The following TRPC4AP variants were observed in gnomAD, a reference collection of about 807,000 sequenced individuals.
TRPC4AP encodes short transient receptor potential channel 4-associated protein.
Under a neutral mutation model 99.0 loss-of-function variants are expected in TRPC4AP, and 45 were observed. The observed-to-expected ratio is 0.45, with a 90% CI of 0.36 to 0.58. The LOEUF is 0.58. TRPC4AP is among the 20% of genes least tolerant of loss of function. The pLI is 0.00. For missense variants in TRPC4AP, 879 were observed against 985.3 expected (o/e 0.89, Z 1.44); for synonymous variants, 408 against 385.8 (o/e 1.06, Z -0.67).
At chr20:35,010,166 A>G (rs2082601367) in intron 12 of TRPC4AP, 21 bp downstream of exon 12, 1 of 1,611,708 alleles carries the variant, frequency 6.2e-7, no homozygotes, top group African/African-American at 1.3e-5. Flanking sequence ...GCTGAGGGAA[A>G]AGCTGCACCC....
chr20:35,041,056 G>A (rs1487600717), intron 7 of TRPC4AP, among the ~76,000 whole-genome samples: 2 of 152,322 alleles, frequency 1.3e-5, no homozygotes, highest in East Asian at 3.9e-4. Context: ...CCTTCTACAA[G>A]CCAGGAAGAA....
intron 7 of TRPC4AP, 105 bp downstream of exon 7, chr20:35,044,400 G>GAAAAAAAAAAAAAAAAAAAAAGA (rs11483863): frequency 1.2e-6 from 1 of 828,400 alleles, no homozygotes; most frequent in Non-Finnish European, 1.7e-6. Flanking sequence ...CTCAAAAAAG[G>GAAAAAAAAAAAAAAAAAAAAAGA]AAAAAAAAAA....
intron 17 of TRPC4AP, 102 bp downstream of exon 17, chr20:35,004,356 G>T: frequency 1.1e-6 from 1 of 944,296 alleles, no homozygotes; most frequent in Non-Finnish European, 1.7e-6. Flanking sequence ...GGTCTCCAGA[G>T]ACGCACTTCT....
intron 5 of TRPC4AP, among the ~76,000 whole-genome samples, chr20:35,053,014 G>A (rs536652417): frequency 5.9e-5 from 9 of 151,992 alleles, no homozygotes; most frequent in African/African-American, 1.9e-4. Context: ...GAACCATATC[G>A]CCCTATGTTC....
rs1362588865 is a variant in TRPC4AP, at chr20:35,049,876, C to G, written c.647G>C (p.Gly216Ala). ...QTATLIEDIL[G>A]VKKEMIRLDE... is the part of the protein sequence containing the mutation. The stretch of plus-strand genomic sequence containing the variant: ...GAGGACACAGCTCACCTTTTTAACA[C>G]CCAAAATATCTTCAATGAGGGTTGC... Residue 216 changes from glycine (G) to alanine (A), a missense_variant, in exon 6 of 19, where the codon GGT (glycine) becomes GCT (alanine). By Grantham distance (60) the Gly-to-Ala change is moderately conservative. Coordinates refer to ENST00000252015, the MANE Select transcript of TRPC4AP (RefSeq NM_015638.3). 5 of 1,613,122 alleles carry G rather than the reference C, an allele frequency of 3.1e-6. No homozygotes were observed. The highest frequency in any genetic ancestry group is 4.2e-6 in the Non-Finnish European group (5 of 1,179,536).
chr20:35,031,596 G>A (rs956882570), intron 8 of TRPC4AP, among the ~76,000 whole-genome samples: 1 of 151,468 alleles, frequency 6.6e-6, no homozygotes, highest in African/African-American at 2.4e-5. Context: ...TGGATTCTTT[G>A]GGCTTCTTGA....
chr20:35,050,023 T>C lies in TRPC4AP; in HGVS notation c.529-29A>G, dbSNP rs760743645. The C allele has an allele frequency of 5.6e-6, 9 of 1,603,774 alleles. No individual in the cohort carries two copies. The East Asian group carries it at 6.7e-5, about 12-fold the overall frequency. On this transcript the variant is annotated intron_variant, in intron 5 of 18. Coordinates refer to ENST00000252015, the MANE Select transcript of TRPC4AP (RefSeq NM_015638.3). ...TCACAAGAAGAAAAGGCAGAATAGG[T>C]TGTAAGTACAAAATAAATTATGAAA...
At chr20:35,054,912 C>T in intron 5 of TRPC4AP, 64 bp downstream of exon 5, 1 of 1,385,956 alleles carries the variant, frequency 7.2e-7, no homozygotes, top group South Asian at 1.2e-5. Flanking sequence ...TCGAATATTC[C>T]CATCTTAAAC....
intron 1 of TRPC4AP, among the ~76,000 whole-genome samples, chr20:35,080,534 T>TAAAAAAA (rs71196786): frequency 1.2e-5 from 1 of 82,064 alleles, no homozygotes; most frequent in Non-Finnish European, 2.3e-5. Flanking sequence ...AGACTCCATC[T>TAAAAAAA]AAAAAAAAAA....
At position 35,003,130 on chromosome 20, in the gene TRPC4AP, G is replaced by A. The variant is rs755124998; in HGVS notation, c.*16C>T. The A allele has an allele frequency of 9.3e-6, 15 of 1,613,626 alleles. No homozygotes were observed. The highest frequency in any genetic ancestry group is 1.2e-5 in the Non-Finnish European group (14 of 1,179,842). On this transcript the variant is annotated 3_prime_UTR_variant, in exon 19 of 19. Transcript: ENST00000252015. ...ACCCACACTGGCCCAGCAGCCTCCC[G>A]AGGCCTGGCCCAAGGTCACTCCTCA...
chr20:35,010,776 T>G (rs1029614693), intron 11 of TRPC4AP, among the ~76,000 whole-genome samples: 1 of 152,028 alleles, frequency 6.6e-6, no homozygotes, highest in Non-Finnish European at 1.5e-5. Flanking sequence ...CTCCCTTTAC[T>G]AAAAGGTATC....
chr20:35,031,099 C>T (rs2083179883), intron 8 of TRPC4AP, among the ~76,000 whole-genome samples: 1 of 152,138 alleles, frequency 6.6e-6, no homozygotes, highest in South Asian at 2.1e-4. Flanking sequence ...TTTCAGCATT[C>T]TGAATATGTC....
chr20:35,051,864 CAATTT>C (rs1226096625), intron 5 of TRPC4AP, among the ~76,000 whole-genome samples: 2 of 152,176 alleles, frequency 1.3e-5, no homozygotes, highest in African/African-American at 4.8e-5. Context: ...CTCCTCTCTT[CAATTT>C]ATCAAAGTGC....
chr20:35,003,193 T>C lies in TRPC4AP; in HGVS notation c.2347A>G (p.Ile783Val). 6.2e-7 allele frequency: 1 copy of C among 1,614,166 alleles called. No individual in the cohort carries two copies. Among genetic ancestry groups the C allele is most frequent in the Non-Finnish European group, 8.5e-7 (1 of 1,180,012 alleles). ...TCTATGTCCATGTAGGGCTCCTCAA[T>C]GTAGCTAACGAGAGCAGAGGGTGAC... ...RQSPSALVSY[I>V]EEPYMDIDRD... is the part of the protein sequence containing the mutation. Residue 783 changes from isoleucine (I) to valine (V), a missense_variant, in exon 19 of 19, where the codon ATT (isoleucine) becomes GTT (valine). By Grantham distance (29) the Ile-to-Val change is conservative. This residue lies in a region of TRPC4AP where 224 missense variants were observed against 264.7 expected (regional missense o/e 0.85). Transcript: ENST00000252015.
At chr20:35,060,584 C>CGAAAAAA (rs1569133058) in intron 3 of TRPC4AP, among the ~76,000 whole-genome samples, 2 of 45,868 alleles carry the variant, frequency 4.4e-5, no homozygotes, top group Non-Finnish European at 4.3e-5. Context: ...GACCTTGTCT[C>CGAAAAAA]CAAAAAAAAA....
chr20:35,059,710 T>G (rs930622960), intron 3 of TRPC4AP, among the ~76,000 whole-genome samples: 4 of 148,518 alleles, frequency 2.7e-5, no homozygotes, highest in African/African-American at 7.4e-5. Flanking sequence ...GAAGAAGAAA[T>G]AAGAAGAAGA....
At chr20:35,086,023 C>T (rs2084832000) in intron 1 of TRPC4AP, among the ~76,000 whole-genome samples, 1 of 152,032 alleles carries the variant, frequency 6.6e-6, no homozygotes, top group African/African-American at 2.4e-5. Context: ...AAGTGATCCT[C>T]CCACCTCAGC....
chr20:35,041,348 G>A (rs1281876854), intron 7 of TRPC4AP, among the ~76,000 whole-genome samples: 6 of 152,250 alleles, frequency 3.9e-5, no homozygotes, highest in Middle Eastern at 3.4e-3. Context: ...GGAGAAAATC[G>A]TGCGGGTAAG....
rs922299560 is a variant in TRPC4AP at position 35,032,087 on chromosome 20, G to A, written c.1051+3036C>T. Among the ~76,000 whole-genome samples, 7 of 151,942 alleles carry A rather than the reference G, an allele frequency of 4.6e-5. No individual in the cohort carries two copies. The East Asian group carries it at 7.8e-4, about 17-fold the overall frequency. On this transcript the variant is annotated intron_variant, in intron 8 of 18. Transcript: ENST00000252015. ...GTATTTTTAATAGAGATGGGGTTTC[G>A]CCATGTTGGCCTGGCTGATGTCAAA...
Sources: allele counts gnomAD v4.1 joint callset (sites outside exome capture counted in the v4.1 genomes callset), GRCh38; gene constraint gnomAD v4.1.1; regional missense constraint gnomAD v4.1.1; transcripts MANE v1.5; gene names NCBI Gene and HGNC (gene_info 2026-07-23, HGNC 2026-07-21).